The following SLC35F3 variants were observed in gnomAD, a reference collection of about 807,000 sequenced individuals.
The protein encoded by SLC35F3 is solute carrier family 35 member F3.
A neutral mutation model predicts 49.9 loss-of-function variants in SLC35F3; 25 were observed. The ratio of observed to expected loss-of-function variants is 0.50; its 90% CI spans 0.37 to 0.70. SLC35F3 has a LOEUF of 0.70. Ranked by LOEUF, SLC35F3 falls within the 30% of genes least tolerant of loss-of-function variation. SLC35F3 has a pLI of 0.00. For synonymous variants in SLC35F3, 275 were observed against 265.4 expected (o/e 1.04, Z -0.35); for missense variants, 525 against 639.8 (o/e 0.82, Z 1.94).
chr1:234,015,860 C>T (rs932351520), intron 2 of SLC35F3, among the ~76,000 whole-genome samples: 11 of 152,104 alleles, frequency 7.2e-5, no homozygotes, highest in Admixed American at 3.3e-4. Flanking sequence ...AAAGTGAGGA[C>T]ACAGTCTACA....
rs1187833904 is a variant in SLC35F3 at position 233,905,665 on chromosome 1, A to T, written c.190A>T (p.Thr64Ser). 6.2e-7 allele frequency: 1 copy of T among 1,614,044 alleles called. No individual in the cohort carries two copies. The change falls in exon 2 of 8, where the codon ACC (threonine) becomes TCC (serine). Residue 64 changes from threonine to serine, a missense_variant. Transcript: ENST00000366618. The part of the protein sequence containing the change: ...LKWSRSVEDL[T>S]SGPVGLTSIE... ...ATGGTCGCGCTCCGTGGAGGATCTCACCAGCGGGCCGGTGGGGCTCACGTC... is the reference window on the plus strand; with the variant it reads ...ATGGTCGCGCTCCGTGGAGGATCTCTCCAGCGGGCCGGTGGGGCTCACGTC...
intron 2 of SLC35F3, among the ~76,000 whole-genome samples, chr1:234,117,236 A>T (rs1665500545): frequency 6.6e-6 from 1 of 152,086 alleles, no homozygotes; most frequent in Non-Finnish European, 1.5e-5. Flanking sequence ...TGAGTGCTAT[A>T]TTCAGATGTT....
intron 2 of SLC35F3, among the ~76,000 whole-genome samples, chr1:234,087,015 G>T (rs1336453250): frequency 6.6e-6 from 1 of 152,206 alleles, no homozygotes; most frequent in Admixed American, 6.5e-5. Flanking sequence ...AAAGCTTTGA[G>T]CCTGAGCTAT....
At position 234,027,957 on chromosome 1, in the gene SLC35F3, A is replaced by G. The variant is rs1416942795; in HGVS notation, c.283+122199A>G. ...ATCAAAGGGGAAATTCAGGAGGGGA[A>G]TCGATCGCACAGGAGTAAAGTATCA... On this transcript the variant is annotated intron_variant, in intron 2 of 7. Transcript: ENST00000366618. This position sits in a 1 kb window ranked among gnomAD's most constrained non-coding sequence, Gnocchi z 4.1. Among the ~76,000 whole-genome samples, 2 of 152,174 alleles carry G rather than the reference A, an allele frequency of 1.3e-5. No individual in the cohort carries two copies. The highest frequency in any genetic ancestry group is 4.8e-5 in the African/African-American group (2 of 41,450).
chr1:233,994,630 C>T (rs1329583875), intron 2 of SLC35F3, among the ~76,000 whole-genome samples: 5 of 152,182 alleles, frequency 3.3e-5, no homozygotes, highest in African/African-American at 1.2e-4. Context: ...ACCCTTCTTT[C>T]TCCTTATTCC....
intron 2 of SLC35F3, among the ~76,000 whole-genome samples, chr1:234,106,123 ATTTG>A (rs750948741): frequency 8.7e-4 from 133 of 152,252 alleles, no homozygotes; most frequent in Middle Eastern, 3.4e-3. Flanking sequence ...TACTCCCGAA[ATTTG>A]TTTGGGTGGC....
At chr1:233,921,864 A>C (rs561804023) in intron 2 of SLC35F3, among the ~76,000 whole-genome samples, 1 of 145,408 alleles carries the variant, frequency 6.9e-6, no homozygotes, top group African/African-American at 2.6e-5. Context: ...CCATTGTTCA[A>C]TTCCCACCTG....
intron 2 of SLC35F3, among the ~76,000 whole-genome samples, chr1:234,089,571 C>T (rs1001156578): frequency 2.6e-5 from 4 of 152,140 alleles, no homozygotes; most frequent in African/African-American, 7.2e-5. Context: ...TCAGAAGGTT[C>T]GTCTGCTGCC....
intron 2 of SLC35F3, among the ~76,000 whole-genome samples, chr1:234,060,709 C>T (rs1319280689): frequency 5.3e-5 from 8 of 152,318 alleles, no homozygotes; most frequent in Admixed American, 2.6e-4. Flanking sequence ...GCCTTGGCCT[C>T]CCAAAGTGCT....
intron 2 of SLC35F3, among the ~76,000 whole-genome samples, chr1:233,938,105 T>C (rs1662363005): frequency 6.6e-6 from 1 of 152,120 alleles, no homozygotes; most frequent in African/African-American, 2.4e-5. Flanking sequence ...ACATTCAATG[T>C]TTTCATCATA....
intron 2 of SLC35F3, among the ~76,000 whole-genome samples, chr1:233,971,708 A>G (rs1662995748): frequency 8.6e-6 from 1 of 115,882 alleles, no homozygotes; most frequent in Admixed American, 1.0e-4. Flanking sequence ...ACAGAGCGAG[A>G]CTCCGACTCA....
chr1:233,996,911 C>T (rs1420378401), intron 2 of SLC35F3, among the ~76,000 whole-genome samples: 3 of 151,406 alleles, frequency 2.0e-5, no homozygotes, highest in African/African-American at 7.4e-5. Context: ...TTGGGTGACC[C>T]TGTGACCCCC....
rs868591118 is a variant in SLC35F3, at chr1:234,139,951, T to A, written c.284-91466T>A. On this transcript the variant is annotated intron_variant, in intron 2 of 7. Transcript: ENST00000366618. ...AACAGAGCGAGACTCCATCTCAAAA[T>A]AATAAAATAAAATAAAATAAAATAA... Among the ~76,000 whole-genome samples, 5 of 90,564 alleles carry A rather than the reference T, an allele frequency of 5.5e-5. 1 individual carries two copies. Among genetic ancestry groups the A allele is most frequent in the Admixed American group, 1.2e-4 (1 of 8,014 alleles). The allele number at this position is 90,564 out of a possible 152,430, so 59.4% of individuals were successfully genotyped here.
chr1:234,109,581 C>G (rs1371890456), intron 2 of SLC35F3, among the ~76,000 whole-genome samples: 1 of 152,176 alleles, frequency 6.6e-6, no homozygotes, highest in East Asian at 1.9e-4. Context: ...TTGCTAGCAC[C>G]TTTATTTATC....
chr1:234,221,978 G>A (rs761098073), intron 2 of SLC35F3, among the ~76,000 whole-genome samples: 1 of 152,194 alleles, frequency 6.6e-6, no homozygotes, highest in Non-Finnish European at 1.5e-5. Context: ...AGAGCTTTGA[G>A]GAATTGAGAC....
At position 233,925,689 on chromosome 1, in the gene SLC35F3, T is replaced by A. The variant is rs567948396; in HGVS notation, c.283+19931T>A. On this transcript the variant is annotated intron_variant, in intron 2 of 7. Coordinates refer to ENST00000366618, the MANE Select transcript of SLC35F3 (RefSeq NM_173508.4). ...ATCCTGTCATTATGATGTTAGCTGG[T>A]TATTTTGCTCATTAGTTGATGCAGT... is the stretch of plus-strand genomic sequence containing the variant. 3.1e-4 allele frequency among the ~76,000 whole-genome samples: 47 copies of A among 152,328 alleles called. No individual in the cohort carries two copies. The East Asian group carries it at 8.5e-3, about 27-fold the overall frequency.
intron 3 of SLC35F3, among the ~76,000 whole-genome samples, chr1:234,304,685 A>G (rs992386970): frequency 9.2e-5 from 14 of 152,116 alleles, no homozygotes; most frequent in African/African-American, 3.4e-4. Context: ...ATTCCACACC[A>G]TCTATCTCCT....
intron 2 of SLC35F3, among the ~76,000 whole-genome samples, chr1:234,150,610 A>G (rs1164626581): frequency 2.0e-5 from 3 of 152,222 alleles, no homozygotes; most frequent in Non-Finnish European, 4.4e-5. Flanking sequence ...CTGCTATGCT[A>G]CAGTCTACCT....
chr1:234,283,276 T>C (rs930112380), intron 3 of SLC35F3, among the ~76,000 whole-genome samples: 6 of 152,222 alleles, frequency 3.9e-5, no homozygotes, highest in African/African-American at 1.2e-4. Context: ...ATAAGCCAAA[T>C]TTTAATTTTG....
Sources: allele counts gnomAD v4.1 joint callset (sites outside exome capture counted in the v4.1 genomes callset), GRCh38; gene constraint gnomAD v4.1.1; non-coding constraint Gnocchi (gnomAD v3.1); transcripts MANE v1.5; gene names NCBI Gene and HGNC (gene_info 2026-07-23, HGNC 2026-07-21).